Variants in RARS2 observed in about 807,000 individuals in gnomAD.
RARS2 encodes probable arginine--tRNA ligase, mitochondrial.
Under a neutral mutation model 88.5 loss-of-function variants are expected in RARS2, and 67 were observed. That is an observed-to-expected ratio of 0.76 (90% CI 0.62 to 0.93). The LOEUF is 0.93. Among genes scored for constraint, RARS2 ranks in the 40% least tolerant of loss-of-function variants. RARS2 has a pLI of 0.00. For synonymous variants in RARS2, 239 were observed against 230.3 expected (o/e 1.04, Z -0.34); for missense variants, 664 against 684.2 (o/e 0.97, Z 0.33).
At chr6:87,530,979 C>T (rs1413634581) in intron 8 of RARS2, 37 bp from the exon 9 acceptor site, 1 of 1,612,086 alleles carries the variant, frequency 6.2e-7, no homozygotes, top group Admixed American at 1.7e-5. Flanking sequence ...AAGTACATAA[C>T]AGGTCATTGT....
At chr6:87,579,730 T>G (rs1772837091) in intron 1 of RARS2, among the ~76,000 whole-genome samples, 2 of 119,328 alleles carry the variant, frequency 1.7e-5, no homozygotes, top group African/African-American at 3.2e-5. Context: ...TTTTTTTTTT[T>G]TTTTTTTTTT....
chr6:87,562,923 G>A, intron 3 of RARS2, 138 bp from the exon 4 acceptor site: 1 of 704,924 alleles, frequency 1.4e-6, no homozygotes, highest in Non-Finnish European at 2.6e-6. Context: ...CCAGTTCTCA[G>A]GCAATCTCTT....
intron 12 of RARS2, 77 bp from the exon 13 acceptor site, chr6:87,520,333 T>TA: frequency 1.7e-6 from 2 of 1,202,052 alleles, no homozygotes; most frequent in Non-Finnish European, 2.4e-6. Context: ...TTGAATCAAA[T>TA]TAAGATATTT....
rs556969222 is a variant in RARS2, at chr6:87,551,049, C to A, written c.396-2403G>T. Among the ~76,000 whole-genome samples the A allele has an allele frequency of 5.3e-5, 8 of 150,970 alleles. No homozygotes were observed. The East Asian group carries it at 1.4e-3, about 26-fold the overall frequency. On this transcript the variant is annotated intron_variant, in intron 5 of 19. Coordinates refer to ENST00000369536, the MANE Select transcript of RARS2 (RefSeq NM_020320.5). ...AGAAAAACAAAAACAAAAACAAAAA[C>A]AAAAAAAAACTTTCACAGAGCTTTC...
chr6:87,514,439 CAAG>C lies in RARS2; in HGVS notation c.1708_1710del (p.Leu570del). ...TACATCCTACATACAGGTGTTATTC[CAAG>C]AAGTTTCATTCCATTGGCTAGGACA... On this transcript the variant is annotated inframe_deletion, in exon 20 of 20. Transcript: ENST00000369536. The C allele has an allele frequency of 6.2e-7, 1 of 1,611,670 alleles. No individual in the cohort carries two copies. The highest frequency in any genetic ancestry group is 1.1e-5 in the South Asian group (1 of 91,032).
intron 2 of RARS2, among the ~76,000 whole-genome samples, chr6:87,565,620 G>A (rs1178494977): frequency 6.6e-6 from 1 of 152,190 alleles, no homozygotes; most frequent in East Asian, 1.9e-4. Context: ...AACTTAGAAA[G>A]TGACCATGAC....
chr6:87,514,886 T>A, intron 19 of RARS2, 71 bp downstream of exon 19: 2 of 1,319,336 alleles, frequency 1.5e-6, no homozygotes, highest in South Asian at 1.2e-5. Flanking sequence ...TTAGAAAAAT[T>A]TACAAGACTG....
At chr6:87,571,843 C>CATTT (rs1306010089) in intron 1 of RARS2, among the ~76,000 whole-genome samples, 1 of 152,188 alleles carries the variant, frequency 6.6e-6, no homozygotes, top group African/African-American at 2.4e-5. Flanking sequence ...GAGGCTTGTA[C>CATTT]ATTTCCACTT....
At chr6:87,528,095 T>C (rs1253969024) in intron 10 of RARS2, among the ~76,000 whole-genome samples, 1 of 150,558 alleles carries the variant, frequency 6.6e-6, no homozygotes, top group Non-Finnish European at 1.5e-5. Flanking sequence ...CAAAGACCCG[T>C]ATAGACATTT....
In RARS2 at chr6:87,521,502, G is replaced by A. The variant is rs927427873; in HGVS notation, c.997C>T (p.Arg333Ter). Reference sequence around the variant, plus strand: ...GTATCAAAATTATACTTGTCCATTCGATCTATAGCAGCTGCAAGATCTCTG... The same window carrying A: ...GTATCAAAATTATACTTGTCCATTCAATCTATAGCAGCTGCAAGATCTCTG... ...ATRDLAAAID[R>*]MDKYNFDTMI... The change falls in exon 12 of 20, where the codon CGA becomes TGA. Residue 333 changes from arginine to a stop codon, truncating the protein, a stop_gained. Coordinates refer to ENST00000369536, the MANE Select transcript of RARS2 (RefSeq NM_020320.5). LOFTEE classifies it high-confidence loss of function. 1.2e-5 allele frequency: 19 copies of A among 1,611,996 alleles called. No homozygotes were observed. The highest frequency in any genetic ancestry group is 3.3e-5 in the South Asian group (3 of 91,024).
intron 1 of RARS2, among the ~76,000 whole-genome samples, chr6:87,580,545 C>A (rs182638715): frequency 6.8e-6 from 1 of 147,106 alleles, no homozygotes. Context: ...GAGGTTGAGG[C>A]GGGTGGATTA....
intron 1 of RARS2, among the ~76,000 whole-genome samples, chr6:87,574,470 T>A (rs1381989485): frequency 6.6e-6 from 1 of 152,028 alleles, no homozygotes; most frequent in Non-Finnish European, 1.5e-5. Context: ...ATCCACACAA[T>A]GTGCAAACAA....
At chr6:87,514,723 G>A (rs1172008084) in intron 19 of RARS2, among the ~76,000 whole-genome samples, 1 of 152,158 alleles carries the variant, frequency 6.6e-6, no homozygotes, top group African/African-American at 2.4e-5. Context: ...ATACAGTATG[G>A]CTTCAGATAA....
At chr6:87,582,352 G>T (rs746681240) in intron 1 of RARS2, among the ~76,000 whole-genome samples, 1 of 152,108 alleles carries the variant, frequency 6.6e-6, no homozygotes, top group Non-Finnish European at 1.5e-5. Flanking sequence ...GTTCTCTAAC[G>T]ATCAGTGATG....
At chr6:87,539,892 A>G (rs1017402646) in intron 8 of RARS2, among the ~76,000 whole-genome samples, 1 of 152,196 alleles carries the variant, frequency 6.6e-6, no homozygotes, top group African/African-American at 2.4e-5. Flanking sequence ...CCTGGATCTC[A>G]TGAAAGATTA....
chr6:87,537,069 G>C (rs1779401698), intron 8 of RARS2, among the ~76,000 whole-genome samples: 2 of 152,330 alleles, frequency 1.3e-5, no homozygotes, highest in African/African-American at 4.8e-5. Flanking sequence ...TCATTTCCAA[G>C]CTAGCTGAGA....
chr6:87,557,728 T>A (rs967583099), intron 4 of RARS2, among the ~76,000 whole-genome samples: 12 of 152,340 alleles, frequency 7.9e-5, no homozygotes, highest in Admixed American at 5.9e-4. Flanking sequence ...CTTTCCTTGG[T>A]TGTAAAGACA....
chr6:87,585,129 G>A (rs979412395), intron 1 of RARS2, among the ~76,000 whole-genome samples: 2 of 152,018 alleles, frequency 1.3e-5, no homozygotes, highest in Non-Finnish European at 2.9e-5. Flanking sequence ...ACCACACCAC[G>A]TCATCTCCAT....
intron 4 of RARS2, among the ~76,000 whole-genome samples, chr6:87,561,785 G>A (rs542753689): frequency 6.6e-6 from 1 of 152,320 alleles, no homozygotes; most frequent in Non-Finnish European, 1.5e-5. Context: ...CCTCAAGGCT[G>A]CAATACGGAA....
Sources: allele counts gnomAD v4.1 joint callset (sites outside exome capture counted in the v4.1 genomes callset), GRCh38; gene constraint gnomAD v4.1.1; transcripts MANE v1.5; gene names NCBI Gene and HGNC (gene_info 2026-07-23, HGNC 2026-07-21).